The following HHLA2 variants were observed in gnomAD, a reference collection of about 807,000 sequenced individuals.
The protein encoded by HHLA2 is HERV-H LTR-associating protein 2.
HHLA2 carries 48 observed loss-of-function variants against 45.9 expected under a neutral mutation model. That is an observed-to-expected ratio of 1.05 (90% confidence interval 0.83 to 1.33). The LOEUF (loss-of-function observed/expected upper bound fraction) is 1.33. HHLA2 is among the 40% of genes most tolerant of loss of function. The pLI, the probability that HHLA2 is intolerant of heterozygous loss-of-function variation, is 0.00. For synonymous variants in HHLA2, 161 were observed against 173.9 expected (o/e 0.93, Z 0.59); for missense variants, 462 against 494.3 (o/e 0.93, Z 0.62).
chr3:108,315,317 TG>T (rs2081084430), intron 2 of HHLA2, among the ~76,000 whole-genome samples: 1 of 152,188 alleles, frequency 6.6e-6, no homozygotes, highest in Non-Finnish European at 1.5e-5. Context: ...ATGACCAAGA[TG>T]GATCCTGTTC....
intron 2 of HHLA2, among the ~76,000 whole-genome samples, chr3:108,312,202 T>G (rs2081031871): frequency 6.6e-6 from 1 of 152,232 alleles, no homozygotes; most frequent in Non-Finnish European, 1.5e-5. Flanking sequence ...CTGTTATCCC[T>G]CCAGCCTTAT....
chr3:108,317,775 A>C (rs1240105476), intron 2 of HHLA2, among the ~76,000 whole-genome samples: 1 of 151,990 alleles, frequency 6.6e-6, no homozygotes, highest in Non-Finnish European at 1.5e-5. Flanking sequence ...AGGTTTCACC[A>C]TGTTGGTCAG....
At chr3:108,359,734 C>A (rs1392737641) in intron 7 of HHLA2, among the ~76,000 whole-genome samples, 3 of 152,162 alleles carry the variant, frequency 2.0e-5, no homozygotes, top group Non-Finnish European at 4.4e-5. Context: ...TATGAAAACC[C>A]TGTAGAAAGT....
chr3:108,374,896 T>G (rs1341420073), intron 8 of HHLA2, among the ~76,000 whole-genome samples: 1 of 148,112 alleles, frequency 6.8e-6, no homozygotes, highest in Non-Finnish European at 1.5e-5. Context: ...TGTAAACTAG[T>G]TCAACCATTG....
chr3:108,336,686 T>C (rs938875720), intron 3 of HHLA2, among the ~76,000 whole-genome samples: 3 of 151,992 alleles, frequency 2.0e-5, no homozygotes, highest in Non-Finnish European at 4.4e-5. Flanking sequence ...ACTCTGTGGA[T>C]CCTTACTTTT....
chr3:108,371,552 C>T (rs931954820), intron 8 of HHLA2, among the ~76,000 whole-genome samples: 27 of 152,228 alleles, frequency 1.8e-4, no homozygotes, highest in African/African-American at 6.5e-4. Flanking sequence ...ACAGTCAAGA[C>T]CCATCAGTGT....
intron 3 of HHLA2, among the ~76,000 whole-genome samples, chr3:108,346,627 A>G (rs2081664985): frequency 6.6e-6 from 1 of 152,256 alleles, no homozygotes; most frequent in Non-Finnish European, 1.5e-5. Context: ...GATTGAGACC[A>G]GCAGTTATGA....
Position 108,310,886 on chromosome 3 carries a change from A to G in HHLA2, c.-105+145A>G, listed in dbSNP as rs200393425. 11 of 152,520 alleles carry G rather than the reference A, an allele frequency of 7.2e-5. No individual in the cohort carries two copies. In the East Asian group the frequency reaches 2.1e-3, roughly 29 times the overall value. The allele number at this position is 152,520 out of a possible 1,614,324, so 9.4% of individuals were successfully genotyped here. The stretch of plus-strand genomic sequence containing the variant: ...CAAATGTATGCAGATATTCCTACAC[A>G]AAAATACTATTTCTTGCACAAGAAA... On this transcript the variant is annotated intron_variant, in intron 2 of 10. Coordinates refer to ENST00000619531, the Ensembl canonical transcript of HHLA2.
chr3:108,363,938 G>A (rs1291083359), intron 8 of HHLA2, among the ~76,000 whole-genome samples: 5 of 151,760 alleles, frequency 3.3e-5, no homozygotes, highest in East Asian at 1.9e-4. Flanking sequence ...AGAGAGTCAC[G>A]TAAGATTAGT....
At chr3:108,299,007 AT>A (rs2080807572) in intron 1 of HHLA2, among the ~76,000 whole-genome samples, 2 of 152,192 alleles carry the variant, frequency 1.3e-5, no homozygotes, top group African/African-American at 4.8e-5. Flanking sequence ...GATCCTTTCT[AT>A]CTAATTTAAC....
chr3:108,367,713 G>A (rs556194881), intron 8 of HHLA2, among the ~76,000 whole-genome samples: 8 of 152,240 alleles, frequency 5.3e-5, no homozygotes, highest in African/African-American at 1.4e-4. Flanking sequence ...TATGTGAAAA[G>A]ACCAAACCGG....
At chr3:108,370,702 C>T (rs538918320) in intron 8 of HHLA2, among the ~76,000 whole-genome samples, 1 of 152,020 alleles carries the variant, frequency 6.6e-6, no homozygotes, top group Non-Finnish European at 1.5e-5. Context: ...GTAGCTGATT[C>T]GATCAACTGG....
chr3:108,370,194 C>T (rs2082143921), intron 8 of HHLA2, among the ~76,000 whole-genome samples: 1 of 152,168 alleles, frequency 6.6e-6, no homozygotes, highest in African/African-American at 2.4e-5. Context: ...GATACCCAGG[C>T]AAACAGTGTC....
intron 3 of HHLA2, among the ~76,000 whole-genome samples, chr3:108,333,541 T>C (rs989234945): frequency 1.3e-5 from 2 of 150,882 alleles, no homozygotes; most frequent in African/African-American, 2.4e-5. Flanking sequence ...GGATTTTATC[T>C]TGCAACCCTA....
At chr3:108,363,863 C>T (rs767193387) in intron 8 of HHLA2, among the ~76,000 whole-genome samples, 7 of 152,198 alleles carry the variant, frequency 4.6e-5, no homozygotes, top group Admixed American at 1.3e-4. Context: ...TGGGAGCACC[C>T]GAATCACTAG....
At chr3:108,303,434 A>G (rs1295908329) in intron 1 of HHLA2, among the ~76,000 whole-genome samples, 1 of 152,134 alleles carries the variant, frequency 6.6e-6, no homozygotes, top group African/African-American at 2.4e-5. Flanking sequence ...CTTATTAGTT[A>G]TCTCTAGAAA....
At chr3:108,322,407 G>C (rs75459923) in intron 2 of HHLA2, among the ~76,000 whole-genome samples, 1 of 152,192 alleles carries the variant, frequency 6.6e-6, no homozygotes, top group Non-Finnish European at 1.5e-5. Flanking sequence ...GAGTGCAGGA[G>C]AGAATCTAGG....
intron 8 of HHLA2, among the ~76,000 whole-genome samples, chr3:108,373,295 A>T (rs1159776622): frequency 6.6e-6 from 1 of 152,056 alleles, no homozygotes; most frequent in Non-Finnish European, 1.5e-5. Context: ...CATGCTAAAA[A>T]CTCTCAATAA....
At chr3:108,351,827 C>T (rs2081783383) in exon 4 of HHLA2, 2 of 1,612,960 alleles carry the variant, frequency 1.2e-6, no homozygotes, top group South Asian at 2.2e-5. Context: ...AAGGCACAGA[C>T]AGCACTGTCT....
Sources: allele counts gnomAD v4.1 joint callset (sites outside exome capture counted in the v4.1 genomes callset), GRCh38; gene constraint gnomAD v4.1.1; transcripts MANE v1.5; gene names NCBI Gene and HGNC (gene_info 2026-07-23, HGNC 2026-07-21).